Variants in LCN12 observed in about 807,000 individuals in gnomAD.
LCN12 encodes the protein lipocalin 12, also known as epididymal-specific lipocalin-12.
Under a neutral mutation model 23.7 loss-of-function variants are expected in LCN12, and 15 were observed. The ratio of observed to expected loss-of-function variants is 0.63; its 90% CI spans 0.42 to 0.97. LCN12 has a LOEUF of 0.97. Among genes scored for constraint, LCN12 ranks in the 50% least tolerant of loss-of-function variants. The probability of loss-of-function intolerance (pLI) is 0.00; values close to 1 mark genes in which losing one functional copy is unlikely to be tolerated. For synonymous variants in LCN12, 116 were observed against 111.5 expected (o/e 1.04, Z -0.25); for missense variants, 219 against 249.6 (o/e 0.88, Z 0.83).
upstream of LCN12, chr9:136,951,239 C>T (rs13289108): frequency 0.21 from 32,643 of 152,142 alleles, 3,677 homozygotes; most frequent in Non-Finnish European, 0.24. Context: ...CCCTCCCTGC[C>T]AGCCCTCTGT....
upstream of LCN12, among the ~76,000 whole-genome samples, chr9:136,951,652 T>A (rs982650562): frequency 1.3e-5 from 2 of 152,212 alleles, no homozygotes; most frequent in Non-Finnish European, 2.9e-5. Context: ...AGACTGCGTT[T>A]AAAATGCCCC....
chr9:136,953,484 C>T (rs1488409077), intron 2 of LCN12: 5 of 552,980 alleles, frequency 9.0e-6, no homozygotes, highest in Non-Finnish European at 1.6e-5. Context: ...ACCTGTAATC[C>T]CAGTACTTCA....
At chr9:136,950,053 CAAGGCCCGCGTCCTG>C (rs1851111917), upstream of LCN12, among the ~76,000 whole-genome samples, 1 of 152,198 alleles carries the variant, frequency 6.6e-6, no homozygotes, top group Non-Finnish European at 1.5e-5. Flanking sequence ...GCAGGTGCCT[CAAGGCCCGCGTCCTG>C]CACGGCCCGT....
In LCN12 at chr9:136,952,616, G is replaced by A. The variant is rs571996626; in HGVS notation, c.114+175G>A. On this transcript the variant is annotated intron_variant, in intron 1 of 5. Transcript: ENST00000371633. Reference sequence around the variant, plus strand: ...AGGAGGGCCCAGCGCAGACCTTCCTGGCACCCATTCCCTGCCGTCAGCCCA... The same window carrying A: ...AGGAGGGCCCAGCGCAGACCTTCCTAGCACCCATTCCCTGCCGTCAGCCCA... 533 of 632,372 alleles carry A rather than the reference G, an allele frequency of 8.4e-4. 2 individuals carry two copies. Among genetic ancestry groups the A allele is most frequent in the African/African-American group, 7.4e-3 (405 of 54,528 alleles). 39.2% of individuals were successfully genotyped at this position (632,372 alleles called of 1,614,324 possible). A position where few individuals can be genotyped will look rare whatever the true frequency, so the allele number is the denominator to read the frequency against.
Position 136,952,294 on chromosome 9 carries a change from T to C in LCN12, c.-34T>C. 2.0e-6 allele frequency: 3 copies of C among 1,510,700 alleles called. No individual in the cohort carries two copies. Among genetic ancestry groups the C allele is most frequent in the Non-Finnish European group, 2.7e-6 (3 of 1,096,612 alleles). The allele number at this position is 1,510,700 out of a possible 1,614,324, so 93.6% of individuals were successfully genotyped here. On this transcript the variant is annotated 5_prime_UTR_variant, in exon 1 of 6. Transcript: ENST00000371633. Reference sequence around the variant, plus strand: ...GGTCACCTGCCCATGGCCACTTCCTTCTCTCTGTCCCTGTGGGCCCAGCAG... The same window carrying C: ...GGTCACCTGCCCATGGCCACTTCCTCCTCTCTGTCCCTGTGGGCCCAGCAG...
chr9:136,950,225 A>G (rs1012238163), upstream of LCN12, among the ~76,000 whole-genome samples: 18 of 152,142 alleles, frequency 1.2e-4, no homozygotes, highest in South Asian at 6.2e-4. Context: ...GGCGCGCCGA[A>G]CCCATTGTCG....
intron 4 of LCN12, 81 bp from the exon 5 acceptor site, chr9:136,954,073 C>T (rs1260406038): frequency 4.3e-5 from 65 of 1,524,338 alleles, no homozygotes; most frequent in Non-Finnish European, 5.3e-5. Flanking sequence ...CTTGGGGGTA[C>T]AGATAGTTCA....
intron 5 of LCN12, 83 bp downstream of exon 5, chr9:136,954,338 AC>A: frequency 7.0e-7 from 1 of 1,434,978 alleles, no homozygotes; most frequent in Non-Finnish European, 9.6e-7. Flanking sequence ...GAGGAGCTGG[AC>A]CCAGTGTCTA....
At chr9:136,954,612 C>A in intron 5 of LCN12, 2 of 827,576 alleles carry the variant, frequency 2.4e-6, no homozygotes, top group Non-Finnish European at 3.5e-6. Context: ...GGGCTACCTC[C>A]TCCCACCCCA....
At chr9:136,952,489 C>T in intron 1 of LCN12, 48 bp downstream of exon 1, 1 of 1,326,040 alleles carries the variant, frequency 7.5e-7, no homozygotes, top group South Asian at 1.2e-5. Context: ...GGTCTGAGTG[C>T]AGGGAGAGGC....
Position 136,953,044 on chromosome 9 carries a change from T to A in LCN12, c.251+16T>A. The A allele has an allele frequency of 6.2e-7, 1 of 1,613,308 alleles. No individual in the cohort carries two copies. Among genetic ancestry groups the A allele is most frequent in the Non-Finnish European group, 8.5e-7 (1 of 1,179,858 alleles). ...CGATGACTCGGTGAGTGGCTGTCCC[T>A]GCCGTTCCAAGCGGGTGAGGAGGAT... is the stretch of plus-strand genomic sequence containing the variant. On this transcript the variant is annotated intron_variant, in intron 2 of 5. Transcript: ENST00000371633.
chr9:136,950,877 TG>T (rs910924932), upstream of LCN12, among the ~76,000 whole-genome samples: 2 of 151,382 alleles, frequency 1.3e-5, no homozygotes, highest in Admixed American at 1.3e-4. Flanking sequence ...GTGGCCAGGC[TG>T]GGGCTGCCAC....
chr9:136,952,458 G>T lies in LCN12; in HGVS notation c.114+17G>T. 1 of 1,557,458 alleles carries T rather than the reference G, an allele frequency of 6.4e-7. No individual in the cohort carries two copies. On this transcript the variant is annotated intron_variant, in intron 1 of 5. Coordinates refer to ENST00000371633, the MANE Select transcript of LCN12 (RefSeq NM_178536.4). ...GGAAACCAGGTACAGGGGTTTTGAC[G>T]GAAGGAGAAGCAGCCGGCTGGGTCT...
In LCN12 at chr9:136,953,743, G is replaced by T. The variant is rs1415681149; in HGVS notation, c.295G>T (p.Ala99Ser). ...ATGGTCTTATGTGCTGATACCGGCA[G>T]CCCAGCCTGGGCAGTTCACTGTGGA... ...DTWSYVLIPAAQPGQFTVDHG... is the reference protein window; with the variant it reads ...DTWSYVLIPASQPGQFTVDHG... Residue 99 changes from alanine (A) to serine (S), a missense_variant, in exon 3 of 6, where the codon GCC (alanine) becomes TCC (serine). Transcript: ENST00000371633. 6.2e-7 allele frequency: 1 copy of T among 1,605,892 alleles called. No homozygotes were observed. Among genetic ancestry groups the T allele is most frequent in the Non-Finnish European group, 8.5e-7 (1 of 1,176,544 alleles).
intron 2 of LCN12, 184 bp from the exon 3 acceptor site, chr9:136,953,516 A>G (rs1403255762): frequency 3.5e-6 from 2 of 579,426 alleles, no homozygotes; most frequent in African/African-American, 3.7e-5. Flanking sequence ...CAGAAGGATC[A>G]CTTGAACTCA....
At chr9:136,954,826 G>A in intron 5 of LCN12, 1 of 1,279,102 alleles carries the variant, frequency 7.8e-7, no homozygotes, top group South Asian at 1.3e-5. Flanking sequence ...GGGAGGGCGA[G>A]GTCAGCCTGA....
chr9:136,955,488 C>A lies in LCN12; in HGVS notation c.*89C>A. On this transcript the variant is annotated 3_prime_UTR_variant, in exon 6 of 6. Transcript: ENST00000371633. The stretch of plus-strand genomic sequence containing the variant: ...AGCTCTCAAACCTGAATAAATGCAC[C>A]AAGCCCAGAGCCCCAGAGTGTGACC... 3 of 1,390,398 alleles carry A rather than the reference C, an allele frequency of 2.2e-6. No individual in the cohort carries two copies. The highest frequency in any genetic ancestry group is 1.2e-5 in the South Asian group (1 of 83,818). 86.1% of individuals were successfully genotyped at this position (1,390,398 alleles called of 1,614,324 possible).
intron 2 of LCN12, 188 bp downstream of exon 2, chr9:136,953,216 A>G (rs968925917): frequency 2.7e-6 from 2 of 735,290 alleles, no homozygotes; most frequent in Non-Finnish European, 4.4e-6. Flanking sequence ...GCTGGCTCAC[A>G]CCTGTAATCC....
chr9:136,955,991 G>C (rs1163514227), downstream of LCN12, among the ~76,000 whole-genome samples: 1 of 152,140 alleles, frequency 6.6e-6, no homozygotes, highest in African/African-American at 2.4e-5. Context: ...AAGCAGCCTC[G>C]GGCTGGAGCC....
Sources: allele counts gnomAD v4.1 joint callset (sites outside exome capture counted in the v4.1 genomes callset), GRCh38; gene constraint gnomAD v4.1.1; transcripts MANE v1.5; gene names NCBI Gene and HGNC (gene_info 2026-07-23, HGNC 2026-07-21).